The following GREM2 variants were observed in gnomAD, a reference collection of about 807,000 sequenced individuals.
GREM2 encodes gremlin-2.
In GREM2, 11 loss-of-function variants were observed where a neutral mutation model predicts 14.2. The observed-to-expected ratio is 0.78, with a 90% CI of 0.49 to 1.28. The LOEUF (loss-of-function observed/expected upper bound fraction) is 1.28. Ranked by LOEUF, GREM2 falls within the 50% of genes most tolerant of loss-of-function variation. The pLI is 0.00. For synonymous variants in GREM2, 98 were observed against 97.6 expected (o/e 1.00, Z -0.02); for missense variants, 210 against 218.5 (o/e 0.96, Z 0.24).
At chr1:240,508,739 CT>C (rs1335063950) in intron 1 of GREM2, among the ~76,000 whole-genome samples, 1 of 152,080 alleles carries the variant, frequency 6.6e-6, no homozygotes, top group Non-Finnish European at 1.5e-5. Flanking sequence ...AAACGACTTT[CT>C]TTTTCTTTTA....
intron 1 of GREM2, among the ~76,000 whole-genome samples, chr1:240,497,233 G>C (rs1007347775): frequency 6.6e-6 from 1 of 152,018 alleles, no homozygotes; most frequent in African/African-American, 2.4e-5. Context: ...GGCTCAAGAA[G>C]CATTCTTTTT....
chr1:240,552,103 A>G (rs879318332), intron 1 of GREM2, among the ~76,000 whole-genome samples: 2 of 152,216 alleles, frequency 1.3e-5, no homozygotes, highest in Admixed American at 6.5e-5. Context: ...TTTTTCTTGT[A>G]GCAGTAATAT....
intron 1 of GREM2, among the ~76,000 whole-genome samples, chr1:240,519,732 T>C (rs1167830157): frequency 6.6e-6 from 1 of 152,174 alleles, no homozygotes; most frequent in East Asian, 1.9e-4. Context: ...CTTATTTCTA[T>C]CTTCCACAAA....
At chr1:240,494,952 C>A (rs1278713259) in intron 1 of GREM2, among the ~76,000 whole-genome samples, 1 of 152,094 alleles carries the variant, frequency 6.6e-6, no homozygotes, top group Non-Finnish European at 1.5e-5. Context: ...TGTATTAAAA[C>A]TGTCTGATGA....
chr1:240,527,166 G>T (rs150245604), intron 1 of GREM2, among the ~76,000 whole-genome samples: 1 of 152,252 alleles, frequency 6.6e-6, no homozygotes, highest in Non-Finnish European at 1.5e-5. Context: ...AGATCTGGTG[G>T]TATGTTTTCT....
At chr1:240,598,803 C>A (rs1679866195) in intron 1 of GREM2, among the ~76,000 whole-genome samples, 1 of 152,138 alleles carries the variant, frequency 6.6e-6, no homozygotes, top group Non-Finnish European at 1.5e-5. Flanking sequence ...CTTCTGGAGT[C>A]AAATGTCTGC....
chr1:240,526,709 C>T (rs1358838969), intron 1 of GREM2, among the ~76,000 whole-genome samples: 1 of 152,204 alleles, frequency 6.6e-6, no homozygotes, highest in Non-Finnish European at 1.5e-5. Flanking sequence ...ATCTCATAGA[C>T]AGACGCACAT....
At chr1:240,576,137 G>A (rs1034895207) in intron 1 of GREM2, among the ~76,000 whole-genome samples, 3 of 152,096 alleles carry the variant, frequency 2.0e-5, no homozygotes, top group African/African-American at 7.2e-5. Context: ...GAGGATACAG[G>A]CAATAAAGAA....
At chr1:240,552,356 G>T (rs1256357711) in intron 1 of GREM2, among the ~76,000 whole-genome samples, 3 of 152,134 alleles carry the variant, frequency 2.0e-5, no homozygotes, top group African/African-American at 7.2e-5. Context: ...TGAGGTGGGG[G>T]GGTCGCTTAA....
At chr1:240,610,458 C>A (rs542787329) in intron 1 of GREM2, among the ~76,000 whole-genome samples, 54 of 152,308 alleles carry the variant, frequency 3.5e-4, no homozygotes, top group African/African-American at 1.3e-3. Context: ...TAGAGCTAAG[C>A]ATGCATTTCC....
At chr1:240,559,340 C>CT (rs61006579) in intron 1 of GREM2, among the ~76,000 whole-genome samples, 6,323 of 110,044 alleles carry the variant, frequency 0.057, 586 homozygotes, top group African/African-American at 0.16. Context: ...ATCAAAAAGT[C>CT]TTTTTTTTTT....
intron 1 of GREM2, among the ~76,000 whole-genome samples, chr1:240,552,028 C>T (rs1286996715): frequency 6.7e-6 from 1 of 149,532 alleles, no homozygotes; most frequent in Non-Finnish European, 1.5e-5. Context: ...ACCACAGTGT[C>T]TCTCATAAAT....
At chr1:240,497,612 TA>T (rs34367111) in intron 1 of GREM2, among the ~76,000 whole-genome samples, 65,343 of 140,112 alleles carry the variant, frequency 0.47, 14,714 homozygotes, top group East Asian at 0.5. Context: ...GCAAAGGGAG[TA>T]AAAAAAAAAA....
intron 1 of GREM2, among the ~76,000 whole-genome samples, chr1:240,563,614 C>T (rs1679117261): frequency 1.3e-5 from 2 of 152,116 alleles, no homozygotes; most frequent in African/African-American, 4.8e-5. Context: ...CTTAGGCGGT[C>T]TCTATAGCAA....
chr1:240,519,415 C>T (rs1441120306), intron 1 of GREM2, among the ~76,000 whole-genome samples: 3 of 151,394 alleles, frequency 2.0e-5, no homozygotes, highest in Non-Finnish European at 4.4e-5. Flanking sequence ...ATCCTGGTAA[C>T]AGGACTTAGC....
At chr1:240,585,729 C>CAAAAA (rs370321961) in intron 1 of GREM2, among the ~76,000 whole-genome samples, 4 of 67,830 alleles carry the variant, frequency 5.9e-5, no homozygotes, top group South Asian at 4.7e-4. Flanking sequence ...GACTCCATCT[C>CAAAAA]AAAAAAAAAA....
At chr1:240,591,137 T>G (rs2102864127) in intron 1 of GREM2, among the ~76,000 whole-genome samples, 1 of 152,246 alleles carries the variant, frequency 6.6e-6, no homozygotes, top group Admixed American at 6.5e-5. Flanking sequence ...CAAAGGAAAT[T>G]TCCCTGTCCA....
intron 1 of GREM2, among the ~76,000 whole-genome samples, chr1:240,596,694 C>CAA (rs200180176): frequency 7.5e-5 from 10 of 133,376 alleles, no homozygotes; most frequent in African/African-American, 2.5e-4. Flanking sequence ...AAAACTCTGT[C>CAA]AAAAAAAAAA....
intron 1 of GREM2, among the ~76,000 whole-genome samples, chr1:240,571,500 C>G (rs537585794): frequency 8.2e-4 from 125 of 152,166 alleles, no homozygotes; most frequent in African/African-American, 2.5e-3. Flanking sequence ...TCGAGACCAG[C>G]CTGGCCAACA....
Sources: allele counts gnomAD v4.1 joint callset (sites outside exome capture counted in the v4.1 genomes callset), GRCh38; gene constraint gnomAD v4.1.1; transcripts MANE v1.5; gene names NCBI Gene and HGNC (gene_info 2026-07-23, HGNC 2026-07-21).